Variants in CSMD3 observed in about 807,000 individuals in gnomAD.
CSMD3 encodes the protein CUB and sushi domain-containing protein 3.
Under a neutral mutation model 435.2 loss-of-function variants are expected in CSMD3, and 177 were observed. The ratio of observed to expected loss-of-function variants is 0.41; its 90% CI spans 0.36 to 0.46. The LOEUF is 0.46. CSMD3 is among the 20% of genes least tolerant of loss of function. The pLI, the probability that CSMD3 is intolerant of heterozygous loss-of-function variation, is 0.34. For synonymous variants in CSMD3, 1,656 were observed against 1,520.5 expected (o/e 1.09, Z -2.07); for missense variants, 4,265 against 4,504.6 (o/e 0.95, Z 1.52).
chr8:113,064,525 A>C (rs1182754657), intron 5 of CSMD3, among the ~76,000 whole-genome samples: 2 of 152,180 alleles, frequency 1.3e-5, no homozygotes, highest in African/African-American at 4.8e-5. Context: ...TTCACTCTCC[A>C]AATGTATTTG....
chr8:112,750,891 C>T (rs1480981804), intron 13 of CSMD3, among the ~76,000 whole-genome samples: 2 of 151,836 alleles, frequency 1.3e-5, no homozygotes, highest in East Asian at 3.9e-4. Flanking sequence ...CAACCAAATG[C>T]AGATTGAAAA....
intron 1 of CSMD3, among the ~76,000 whole-genome samples, chr8:113,337,581 G>A (rs1200916241): frequency 1.3e-5 from 2 of 152,052 alleles, no homozygotes; most frequent in African/African-American, 4.8e-5. Flanking sequence ...TTAGGTAATA[G>A]CTTAGATCTG....
chr8:112,731,551 T>C (rs976853613), intron 13 of CSMD3, among the ~76,000 whole-genome samples: 1 of 152,158 alleles, frequency 6.6e-6, no homozygotes, highest in Non-Finnish European at 1.5e-5. Flanking sequence ...TACATTTTTG[T>C]ATTTTCTTAC....
chr8:112,739,480 T>C (rs927644720), intron 13 of CSMD3, among the ~76,000 whole-genome samples: 1 of 151,810 alleles, frequency 6.6e-6, no homozygotes, highest in Non-Finnish European at 1.5e-5. Context: ...AATTCATGCA[T>C]CCTGTAAAAT....
chr8:112,522,438 TTCATA>T (rs1255926793), intron 27 of CSMD3, among the ~76,000 whole-genome samples: 1 of 151,724 alleles, frequency 6.6e-6, no homozygotes, highest in African/African-American at 2.4e-5. Flanking sequence ...ACTGAAAGAG[TTCATA>T]GCATTCGTCA....
At chr8:112,643,379 A>C (rs796457516) in intron 20 of CSMD3, 4 of 164,162 alleles carry the variant, frequency 2.4e-5, no homozygotes, top group African/African-American at 1.0e-4. Flanking sequence ...ATTACCTTGA[A>C]TATTTCTCCC....
intron 32 of CSMD3, among the ~76,000 whole-genome samples, chr8:112,441,818 C>G (rs937200554): frequency 2.0e-5 from 3 of 152,162 alleles, no homozygotes; most frequent in Non-Finnish European, 4.4e-5. Flanking sequence ...CCACCACCCA[C>G]CATGATTCAA....
At chr8:113,306,353 A>G (rs2093821160) in intron 2 of CSMD3, among the ~76,000 whole-genome samples, 1 of 152,162 alleles carries the variant, frequency 6.6e-6, no homozygotes, top group Non-Finnish European at 1.5e-5. Context: ...GGATTGAGTT[A>G]TATCACTCTC....
At chr8:112,480,599 G>T (rs1819538192) in intron 31 of CSMD3, among the ~76,000 whole-genome samples, 1 of 152,000 alleles carries the variant, frequency 6.6e-6, no homozygotes, top group Non-Finnish European at 1.5e-5. Flanking sequence ...CCCAAGATAT[G>T]GTTGTTTAAC....
intron 36 of CSMD3, among the ~76,000 whole-genome samples, chr8:112,386,687 C>T (rs1269999689): frequency 6.6e-6 from 1 of 151,728 alleles, no homozygotes; most frequent in African/African-American, 2.4e-5. Context: ...TTAGTAGAGA[C>T]GGGGTTTCAC....
intron 32 of CSMD3, among the ~76,000 whole-genome samples, chr8:112,470,191 A>C (rs1818379673): frequency 6.6e-6 from 1 of 152,158 alleles, no homozygotes; most frequent in African/African-American, 2.4e-5. Context: ...AACCCAAAAT[A>C]TTTGTTTTCA....
At chr8:113,132,163 A>G (rs757191855) in intron 4 of CSMD3, among the ~76,000 whole-genome samples, 4 of 152,178 alleles carry the variant, frequency 2.6e-5, no homozygotes, top group Non-Finnish European at 5.9e-5. Context: ...TTACAAGCAC[A>G]TAAGTGGAAG....
Position 113,173,865 on chromosome 8 carries a change from A to G in CSMD3, c.566T>C (p.Leu189Ser), listed in dbSNP as rs2131891603. 1 of 1,613,868 alleles carries G rather than the reference A, an allele frequency of 6.2e-7. No individual in the cohort carries two copies. Among genetic ancestry groups the G allele is most frequent in the Non-Finnish European group, 8.5e-7 (1 of 1,179,842 alleles). The change falls in exon 4 of 71, where the codon TTA (leucine) becomes TCA (serine). Residue 189 changes from leucine (L) to serine (S), a missense_variant. This residue lies in a region of CSMD3 where 731 missense variants were observed against 755.4 expected (regional missense o/e 0.97). Transcript: ENST00000297405. ...CCCGACGTCGAATCTTGTGCCATAT[A>G]ATACACCTTTGGGTGGAACACCAGG... ...GNPGVPPKGV[L>S]YGTRFDVGDK...
chr8:112,483,296 G>C lies in CSMD3; in HGVS notation c.5278+9193C>G, dbSNP rs183924993. ...ACTTGAGGTCAGGAGTTCGAGACCAGACTGGCCAACATGGCAGAATTCCAT... is the reference window on the plus strand; with the variant it reads ...ACTTGAGGTCAGGAGTTCGAGACCACACTGGCCAACATGGCAGAATTCCAT... On this transcript the variant is annotated intron_variant, in intron 31 of 70. Transcript: ENST00000297405. Among the ~76,000 whole-genome samples the C allele has an allele frequency of 1.3e-4, 20 of 152,160 alleles. No homozygotes were observed. The East Asian group carries it at 3.1e-3, about 24-fold the overall frequency.
intron 22 of CSMD3, among the ~76,000 whole-genome samples, chr8:112,601,423 G>A (rs1352566379): frequency 6.6e-6 from 1 of 152,076 alleles, no homozygotes; most frequent in Non-Finnish European, 1.5e-5. Flanking sequence ...ACCCCTTCAT[G>A]ATATTTCCAC....
intron 59 of CSMD3, among the ~76,000 whole-genome samples, chr8:112,278,989 G>A (rs57156290): frequency 0.043 from 6,520 of 151,014 alleles, 231 homozygotes; most frequent in East Asian, 0.15. Context: ...TTCCTGAAGC[G>A]TATCCTGTAA....
intron 1 of CSMD3, among the ~76,000 whole-genome samples, chr8:113,430,790 T>C (rs1345957476): frequency 6.6e-6 from 1 of 152,208 alleles, no homozygotes; most frequent in Non-Finnish European, 1.5e-5. Context: ...ATATAATACA[T>C]ATGTTAATGT....
chr8:112,792,258 C>G (rs1287963611), intron 13 of CSMD3, among the ~76,000 whole-genome samples: 2 of 152,052 alleles, frequency 1.3e-5, no homozygotes, highest in African/African-American at 4.8e-5. Context: ...ATAGCCTGAG[C>G]AGCTTATGTG....
chr8:113,085,068 T>A (rs2089709719), intron 5 of CSMD3, among the ~76,000 whole-genome samples: 1 of 151,992 alleles, frequency 6.6e-6, no homozygotes, highest in Non-Finnish European at 1.5e-5. Context: ...ACAAATATTT[T>A]ATGATTACAA....
Sources: allele counts gnomAD v4.1 joint callset (sites outside exome capture counted in the v4.1 genomes callset), GRCh38; gene constraint gnomAD v4.1.1; regional missense constraint gnomAD v4.1.1; transcripts MANE v1.5; gene names NCBI Gene and HGNC (gene_info 2026-07-23, HGNC 2026-07-21).